SERPINB1: variants seen among roughly 807,000 people sequenced by gnomAD.
SERPINB1 encodes leukocyte elastase inhibitor.
A neutral mutation model predicts 25.9 loss-of-function variants in SERPINB1; 23 were observed. The observed-to-expected ratio is 0.89, with a 90% confidence interval of 0.64 to 1.26. The LOEUF is 1.26. Among genes scored for constraint, SERPINB1 ranks in the 50% most tolerant of loss-of-function variants. The probability of loss-of-function intolerance (pLI) is 0.00; values close to 1 mark genes in which losing one functional copy is unlikely to be tolerated. For missense variants in SERPINB1, 399 were observed against 463.6 expected (o/e 0.86, Z 1.28); for synonymous variants, 178 against 178.7 (o/e 1.00, Z 0.03).
rs558200974 is a variant in SERPINB1, at chr6:2,838,825, A to G, written c.169-139T>C. The G allele has an allele frequency of 6.6e-5, 45 of 678,602 alleles. No individual in the cohort carries two copies. The African/African-American group carries it at 6.9e-4, about 10-fold the overall frequency. The allele number at this position is 678,602 out of a possible 1,614,324, so 42.0% of individuals were successfully genotyped here. On this transcript the variant is annotated intron_variant, in intron 2 of 6. Transcript: ENST00000380739. ...TGATCCCAAACCCAATACTTTATTA[A>G]TTTGTCATTGCAGAACAAACAATAG...
chr6:2,834,057 C>G, intron 6 of SERPINB1, 45 bp from the exon 7 acceptor site: 2 of 1,508,220 alleles, frequency 1.3e-6, no homozygotes, highest in Non-Finnish European at 1.8e-6. Flanking sequence ...ATCAATTTTA[C>G]ATAAGTAAGG....
chr6:2,833,464 A>G lies in SERPINB1; in HGVS notation c.*144T>C. 1 of 827,188 alleles carries G rather than the reference A, an allele frequency of 1.2e-6. No homozygotes were observed. The highest frequency in any genetic ancestry group is 1.8e-6 in the Non-Finnish European group (1 of 563,888). The allele number at this position is 827,188 out of a possible 1,614,324, so 51.2% of individuals were successfully genotyped here. A position where few individuals can be genotyped will look rare whatever the true frequency, so the allele number is the denominator to read the frequency against. On this transcript the variant is annotated 3_prime_UTR_variant, in exon 7 of 7. Coordinates refer to ENST00000380739, the MANE Select transcript of SERPINB1 (RefSeq NM_030666.4). The stretch of plus-strand genomic sequence containing the variant: ...CAAAATTCATGGGTGTAAACAGCCA[A>G]CAGAGCCAAACTTACAAAGAAAATG...
chr6:2,834,310 T>TCCACCCAC (rs56301805), intron 6 of SERPINB1, among the ~76,000 whole-genome samples: 1 of 150,076 alleles, frequency 6.7e-6, no homozygotes, highest in Admixed American at 6.6e-5. Context: ...CATCCATCCA[T>TCCACCCAC]CCATCCATCC....
At chr6:2,840,389 A>C (rs560732263) in intron 2 of SERPINB1, 30 bp downstream of exon 2, 1 of 1,612,506 alleles carries the variant, frequency 6.2e-7, no homozygotes, top group East Asian at 2.2e-5. Context: ...GATGGGAGGA[A>C]AGCAGACCCT....
At position 2,837,615 on chromosome 6, in the gene SERPINB1, G is replaced by A. The variant is rs1766531268; in HGVS notation, c.424+267C>T. ...TTAACTTTGAAATGCAACTTTAAAA[G>A]TTTTGGGGAGCTGATGAGAAAAAAG... On this transcript the variant is annotated intron_variant, in intron 4 of 6. Transcript: ENST00000380739. The surrounding 1 kb of genome is among the most constrained non-coding windows in gnomAD (Gnocchi z 4.3). Among the ~76,000 whole-genome samples, 1 of 152,196 alleles carries A rather than the reference G, an allele frequency of 6.6e-6. No homozygotes were observed. The highest frequency in any genetic ancestry group is 2.1e-4 in the South Asian group (1 of 4,832).
chr6:2,834,725 A>G (rs1405213307), intron 6 of SERPINB1, among the ~76,000 whole-genome samples: 2 of 152,246 alleles, frequency 1.3e-5, no homozygotes, highest in African/African-American at 4.8e-5. Flanking sequence ...CTGAAGTAAT[A>G]TCTAATAACT....
chr6:2,840,559 G>C lies in SERPINB1; in HGVS notation c.28C>G (p.Arg10Gly). 1 of 1,613,916 alleles carries C rather than the reference G, an allele frequency of 6.2e-7. No homozygotes were observed. The highest frequency in any genetic ancestry group is 8.5e-7 in the Non-Finnish European group (1 of 1,179,964). The change falls in exon 2 of 7, where the codon CGC becomes GGC. Residue 10 changes from arginine (R) to glycine (G), a missense_variant. Physicochemically the swap from Arg to Gly is moderately radical, Grantham distance 125 (BLOSUM62 -2). Coordinates refer to ENST00000380739, the MANE Select transcript of SERPINB1 (RefSeq NM_030666.4). MEQLSSANT[R>G]FALDLFLALS... ...GCCAGGAACAGGTCCAAGGCGAAGCGGGTGTTTGCTGAGCTCAGCTGCTCC... is the reference window on the plus strand; with the variant it reads ...GCCAGGAACAGGTCCAAGGCGAAGCCGGTGTTTGCTGAGCTCAGCTGCTCC...
chr6:2,834,091 G>A (rs886613708), intron 6 of SERPINB1, 79 bp from the exon 7 acceptor site: 17 of 1,296,432 alleles, frequency 1.3e-5, no homozygotes, highest in Non-Finnish European at 1.7e-5. Flanking sequence ...TTGAATCAAT[G>A]GACCCATAAT....
At chr6:2,838,765 CATTAA>C (rs1362712040) in intron 2 of SERPINB1, 79 bp from the exon 3 acceptor site, 19 of 1,145,494 alleles carry the variant, frequency 1.7e-5, no homozygotes, top group Non-Finnish European at 1.9e-5. Flanking sequence ...CCTTCTATCA[CATTAA>C]ATTAATGTGT....
At chr6:2,834,200 G>A (rs971111136) in intron 6 of SERPINB1, among the ~76,000 whole-genome samples, 188 bp from the exon 7 acceptor site, 2 of 152,110 alleles carry the variant, frequency 1.3e-5, no homozygotes, top group African/African-American at 4.8e-5. Flanking sequence ...GGGCAGAGGT[G>A]GTGTTCCAAG....
chr6:2,840,613 T>A lies in SERPINB1; in HGVS notation c.-8-19A>T. ...GTGAAAACTGCAACACAGAACAGGG[T>A]CCTCATGGTGCCCACTGCCCACGCC... On this transcript the variant is annotated intron_variant, in intron 1 of 6. Coordinates refer to ENST00000380739, the MANE Select transcript of SERPINB1 (RefSeq NM_030666.4). 6.3e-7 allele frequency: 1 copy of A among 1,585,228 alleles called. No homozygotes were observed.
At position 2,832,742 on chromosome 6, in the gene SERPINB1, G is replaced by C. The variant is rs1313966707; in HGVS notation, c.*866C>G. Reference sequence around the variant, plus strand: ...GAATCACTTGAACCCAGGAGGCAGAGGTTGCGGTGAGCTGAGATCGTGCCA... The same window carrying C: ...GAATCACTTGAACCCAGGAGGCAGACGTTGCGGTGAGCTGAGATCGTGCCA... On this transcript the variant is annotated 3_prime_UTR_variant, in exon 7 of 7. Coordinates refer to ENST00000380739, the MANE Select transcript of SERPINB1 (RefSeq NM_030666.4). 4 of 152,196 alleles carry C rather than the reference G, an allele frequency of 2.6e-5. No individual in the cohort carries two copies. Among genetic ancestry groups the C allele is most frequent in the Non-Finnish European group, 1.5e-5 (1 of 68,358 alleles). The allele number at this position is 152,196 out of a possible 1,614,324, so 9.4% of individuals were successfully genotyped here.
rs1766361764 is a variant in SERPINB1, at chr6:2,832,609, C to T, written c.*999G>A. On this transcript the variant is annotated 3_prime_UTR_variant, in exon 7 of 7. Transcript: ENST00000380739. ...ATCACCTGAGGTCAGGAGTTCGGGA[C>T]CAGCCTGGCCAACATGGAAAAACCC... is the stretch of plus-strand genomic sequence containing the variant. The T allele has an allele frequency of 6.6e-6, 1 of 152,098 alleles. No individual in the cohort carries two copies. Among genetic ancestry groups the T allele is most frequent in the Admixed American group, 6.6e-5 (1 of 15,262 alleles). The allele number at this position is 152,098 out of a possible 1,614,324, so 9.4% of individuals were successfully genotyped here.
At chr6:2,834,529 T>C (rs1192124597) in intron 6 of SERPINB1, among the ~76,000 whole-genome samples, 2 of 144,772 alleles carry the variant, frequency 1.4e-5, no homozygotes, top group African/African-American at 5.2e-5. Context: ...ATCCACCCAT[T>C]TACTCATCCA....
In SERPINB1 at chr6:2,833,469, G is replaced by C. The variant is rs1191660840; in HGVS notation, c.*139C>G. On this transcript the variant is annotated 3_prime_UTR_variant, in exon 7 of 7. Transcript: ENST00000380739. ...TTCATGGGTGTAAACAGCCAACAGA[G>C]CCAAACTTACAAAGAAAATGAAAGA... 1.4e-5 allele frequency: 12 copies of C among 880,110 alleles called. No homozygotes were observed. The highest frequency in any genetic ancestry group is 2.0e-5 in the Non-Finnish European group (12 of 611,222). The allele number at this position is 880,110 out of a possible 1,614,324, so 54.5% of individuals were successfully genotyped here.
intron 2 of SERPINB1, among the ~76,000 whole-genome samples, chr6:2,839,622 G>A (rs7757278): frequency 6.6e-6 from 1 of 152,104 alleles, no homozygotes; most frequent in African/African-American, 2.4e-5. Context: ...CAAGGAACAG[G>A]TGCAGTGTAA....
At chr6:2,838,452 T>C in intron 3 of SERPINB1, 97 bp downstream of exon 3, 1 of 1,187,128 alleles carries the variant, frequency 8.4e-7, no homozygotes. Context: ...TTTCTGAAAG[T>C]TTACAAATAT....
rs1383708522 is a variant in SERPINB1, at chr6:2,835,866, C to A, written c.725G>T (p.Gly242Val). ...LPDDIEDEST[G>V]LKKIEEQLTL... ...GCCCAGGAGCCATACCTTCTTCAGG[C>A]CCGTGGACTCGTCCTCAATGTCATC... is the stretch of plus-strand genomic sequence containing the variant. Residue 242 changes from glycine (G) to valine (V), a missense_variant, in exon 6 of 7, where the codon GGC (glycine) becomes GTC (valine). Physicochemically the swap from Gly to Val is moderately radical, Grantham distance 109 (BLOSUM62 -3). Transcript: ENST00000380739. The A allele has an allele frequency of 6.2e-7, 1 of 1,613,448 alleles. No homozygotes were observed. Among genetic ancestry groups the A allele is most frequent in the East Asian group, 2.2e-5 (1 of 44,890 alleles).
rs368479734 is a variant in SERPINB1 at position 2,838,843 on chromosome 6, A to T, written c.169-157T>A. Among the ~76,000 whole-genome samples, 11 of 152,356 alleles carry T rather than the reference A, an allele frequency of 7.2e-5. No individual in the cohort carries two copies. The South Asian group carries it at 2.1e-3, about 29-fold the overall frequency. ...TTTATTAATTTGTCATTGCAGAACAAACAATAGGAAATCCAAAATTTATGG... is the reference window on the plus strand; with the variant it reads ...TTTATTAATTTGTCATTGCAGAACATACAATAGGAAATCCAAAATTTATGG... On this transcript the variant is annotated intron_variant, in intron 2 of 6. Transcript: ENST00000380739.
Sources: gnomAD v4.1 joint callset for allele counts (sites outside exome capture counted in the v4.1 genomes callset) on GRCh38, gnomAD v4.1.1 for gene constraint, Gnocchi (gnomAD v3.1) non-coding constraint, MANE v1.5 for transcripts, NCBI Gene and HGNC (gene_info 2026-07-23, HGNC 2026-07-21) for gene names.